IL1RAPL1: variants seen among roughly 807,000 people sequenced by gnomAD.
IL1RAPL1 encodes the protein interleukin-1 receptor accessory protein-like 1.
IL1RAPL1 carries 3 observed loss-of-function variants against 48.4 expected under a neutral mutation model. The ratio of observed to expected loss-of-function variants is 0.06; its 90% confidence interval spans 0.03 to 0.16. IL1RAPL1 has a LOEUF of 0.16. Ranked by LOEUF, IL1RAPL1 falls within the 10% of genes least tolerant of loss-of-function variation. The pLI, the probability that IL1RAPL1 is intolerant of heterozygous loss-of-function variation, is 1.00. For synonymous variants in IL1RAPL1, 185 were observed against 187.7 expected, an observed-to-expected ratio of 0.99 and a Z score of 0.12; for missense variants, 349 against 530.6, an observed-to-expected ratio of 0.66 and a Z score of 3.36.
intron 5 of IL1RAPL1, among the ~76,000 whole-genome samples, chrX:29,408,848 C>T (rs1423353040): frequency 8.9e-6 from 1 of 111,796 alleles, no homozygotes; most frequent in Non-Finnish European, 1.9e-5. Context: ...ATTCCCTGAA[C>T]CTCAGTCTAT....
intron 6 of IL1RAPL1, among the ~76,000 whole-genome samples, chrX:29,753,483 C>T (rs1056906896): frequency 4.5e-5 from 5 of 111,799 alleles, no homozygotes; most frequent in African/African-American, 1.6e-4. Context: ...CAAAGGACAG[C>T]CTTTTGTGTG....
chrX:29,214,304 TA>T (rs1930825839), intron 2 of IL1RAPL1, among the ~76,000 whole-genome samples: 2 of 111,385 alleles, frequency 1.8e-5, no homozygotes, highest in Non-Finnish European at 1.9e-5. Flanking sequence ...GTGATAATCA[TA>T]AGCCCTTTGG....
chrX:29,070,165 T>A (rs1273117611), intron 2 of IL1RAPL1, among the ~76,000 whole-genome samples: 1 of 112,090 alleles, frequency 8.9e-6, no homozygotes, highest in Non-Finnish European at 1.9e-5. Flanking sequence ...TATATTATCA[T>A]ATTTGCTTAA....
At chrX:29,218,611 C>A (rs1222324902) in intron 2 of IL1RAPL1, among the ~76,000 whole-genome samples, 1 of 111,566 alleles carries the variant, frequency 9.0e-6, no homozygotes, top group Non-Finnish European at 1.9e-5. Context: ...AGATAAAGAT[C>A]ATTATTAAAA....
chrX:28,657,487 T>C (rs1569146640), intron 1 of IL1RAPL1, among the ~76,000 whole-genome samples: 1 of 112,415 alleles, frequency 8.9e-6, no homozygotes, highest in African/African-American at 3.2e-5. Context: ...ATATTCCTGA[T>C]AAAAAAGGTT....
Position 28,724,271 on chromosome X carries a change from G to A in IL1RAPL1, c.-24-65049G>A, listed in dbSNP as rs1935633272. Among the ~76,000 whole-genome samples, 3 of 110,658 alleles carry A rather than the reference G, an allele frequency of 2.7e-5. No individual in the cohort carries two copies. The South Asian group carries it at 1.2e-3, about 43-fold the overall frequency. On this transcript the variant is annotated intron_variant, in intron 1 of 10. Transcript: ENST00000378993. ...TCTAAGGACTTGCTTTATGAATCTG[G>A]GTGCTCCTGTATTGGGTGCATATAT...
chrX:29,684,917 A>G (rs1439431241), intron 6 of IL1RAPL1, among the ~76,000 whole-genome samples: 2 of 112,387 alleles, frequency 1.8e-5, no homozygotes, highest in Non-Finnish European at 3.8e-5. Context: ...TGACTTGTCA[A>G]TTTACTACGA....
chrX:29,835,877 C>CTTTTTTTTT (rs763080058), intron 6 of IL1RAPL1, among the ~76,000 whole-genome samples: 6 of 50,451 alleles, frequency 1.2e-4, no homozygotes, highest in East Asian at 5.8e-4. Context: ...TTTGAGTCTT[C>CTTTTTTTTT]TTTTTTTTTT....
intron 2 of IL1RAPL1, among the ~76,000 whole-genome samples, chrX:29,174,220 G>T (rs190476735): frequency 3.6e-5 from 4 of 111,412 alleles, no homozygotes; most frequent in African/African-American, 1.3e-4. Flanking sequence ...CACCACGCCC[G>T]CCACAGTCAA....
chrX:29,045,622 C>T (rs1465245435), intron 2 of IL1RAPL1, among the ~76,000 whole-genome samples: 1 of 111,137 alleles, frequency 9.0e-6, no homozygotes, highest in African/African-American at 3.3e-5. Flanking sequence ...TGGGCACTTG[C>T]CGGGCTAATT....
chrX:28,730,631 A>G (rs778803031), intron 1 of IL1RAPL1, among the ~76,000 whole-genome samples: 9 of 112,034 alleles, frequency 8.0e-5, no homozygotes, highest in African/African-American at 2.6e-4. Context: ...TGAACATGCT[A>G]AGGAATATTA....
At chrX:28,645,134 G>A (rs1246155695) in intron 1 of IL1RAPL1, among the ~76,000 whole-genome samples, 1 of 109,218 alleles carries the variant, frequency 9.2e-6, no homozygotes, top group Non-Finnish European at 1.9e-5. Context: ...GATCACCTGA[G>A]GTTGGGAGTT....
At chrX:29,145,284 T>C (rs763115273) in intron 2 of IL1RAPL1, among the ~76,000 whole-genome samples, 2 of 111,943 alleles carry the variant, frequency 1.8e-5, no homozygotes, top group East Asian at 2.8e-4. Context: ...AGTTGGATGA[T>C]TGGGTGTAAA....
At chrX:28,609,628 T>TACACAC (rs3078234) in intron 1 of IL1RAPL1, among the ~76,000 whole-genome samples, 29,768 of 89,114 alleles carry the variant, frequency 0.33, 4,631 homozygotes, top group Non-Finnish European at 0.41. Flanking sequence ...TGCATGTTCT[T>TACACAC]ACACACACAC....
At chrX:28,999,234 A>G (rs764683632) in intron 2 of IL1RAPL1, among the ~76,000 whole-genome samples, 1 of 111,683 alleles carries the variant, frequency 9.0e-6, no homozygotes, top group Non-Finnish European at 1.9e-5. Flanking sequence ...GCCTACACAC[A>G]CACTCACACA....
chrX:29,503,938 A>G (rs1055413658), intron 5 of IL1RAPL1, among the ~76,000 whole-genome samples: 1 of 103,748 alleles, frequency 9.6e-6, no homozygotes, highest in Non-Finnish European at 2.0e-5. Flanking sequence ...AGCAGGAGCC[A>G]CCAAGCCCAG....
At chrX:29,787,605 A>C (rs1929529958) in intron 6 of IL1RAPL1, among the ~76,000 whole-genome samples, 1 of 111,688 alleles carries the variant, frequency 9.0e-6, no homozygotes, top group Non-Finnish European at 1.9e-5. Flanking sequence ...GATGCACAAA[A>C]CCTGAAGACA....
intron 1 of IL1RAPL1, among the ~76,000 whole-genome samples, chrX:28,783,925 C>T (rs1228531913): frequency 9.0e-6 from 1 of 111,709 alleles, no homozygotes; most frequent in African/African-American, 3.3e-5. Context: ...CCATGTCTCT[C>T]TTCCATGTAA....
chrX:29,310,705 A>G (rs1932712652), intron 3 of IL1RAPL1, among the ~76,000 whole-genome samples: 1 of 112,146 alleles, frequency 8.9e-6, no homozygotes, highest in Non-Finnish European at 1.9e-5. Context: ...TAAATTGCTT[A>G]TTACCACCTC....
Sources: allele counts gnomAD v4.1 joint callset (sites outside exome capture counted in the v4.1 genomes callset), GRCh38; gene constraint gnomAD v4.1.1; transcripts MANE v1.5; gene names NCBI Gene and HGNC (gene_info 2026-07-23, HGNC 2026-07-21).